CSMD3: variants seen among roughly 807,000 people sequenced by gnomAD.
CSMD3 encodes the protein CUB and Sushi multiple domains 3.
A neutral mutation model predicts 435.2 loss-of-function variants in CSMD3; 177 were observed. The observed-to-expected ratio is 0.41, with a 90% CI of 0.36 to 0.46. CSMD3 has a LOEUF of 0.46. CSMD3 is among the 20% of genes least tolerant of loss of function. The pLI is 0.34. For missense variants in CSMD3, 4,265 were observed against 4,504.6 expected (o/e 0.95, Z 1.52); for synonymous variants, 1,656 against 1,520.5 (o/e 1.09, Z -2.07).
intron 36 of CSMD3, among the ~76,000 whole-genome samples, chr8:112,386,071 G>T (rs946132147): frequency 6.6e-6 from 1 of 152,172 alleles, no homozygotes; most frequent in African/African-American, 2.4e-5. Flanking sequence ...TTGGAGTGAT[G>T]TGGCCAGAAT....
At chr8:113,092,980 A>C (rs1305917965) in intron 5 of CSMD3, among the ~76,000 whole-genome samples, 1 of 152,148 alleles carries the variant, frequency 6.6e-6, no homozygotes, top group Non-Finnish European at 1.5e-5. Flanking sequence ...AAGTACAACC[A>C]TTGGAAAAAA....
intron 6 of CSMD3, among the ~76,000 whole-genome samples, chr8:112,981,453 T>C (rs1010024282): frequency 6.6e-6 from 1 of 151,670 alleles, no homozygotes; most frequent in African/African-American, 2.4e-5. Flanking sequence ...TTTATTTTTA[T>C]GTTATATATT....
chr8:113,021,448 G>A (rs555265681), intron 5 of CSMD3, among the ~76,000 whole-genome samples: 14 of 152,194 alleles, frequency 9.2e-5, no homozygotes, highest in Non-Finnish European at 1.0e-4. Flanking sequence ...ATGAATATCC[G>A]TTAGGGAAAG....
chr8:112,586,371 G>A (rs1563734778), intron 23 of CSMD3, among the ~76,000 whole-genome samples: 2 of 150,896 alleles, frequency 1.3e-5, no homozygotes, highest in Non-Finnish European at 3.0e-5. Flanking sequence ...TTACTCTAAT[G>A]ATAAATATAA....
chr8:113,295,080 C>A (rs904518530), intron 2 of CSMD3, among the ~76,000 whole-genome samples: 1 of 151,988 alleles, frequency 6.6e-6, no homozygotes. Context: ...TTATGGGGTA[C>A]ATGATGTATT....
At chr8:112,793,469 TG>T (rs1271202922) in intron 13 of CSMD3, among the ~76,000 whole-genome samples, 15 of 152,042 alleles carry the variant, frequency 9.9e-5, no homozygotes, top group Middle Eastern at 3.2e-3. Flanking sequence ...CTGAAAGCAT[TG>T]AACTATAGTA....
At chr8:112,852,711 A>G (rs1190783843) in intron 11 of CSMD3, among the ~76,000 whole-genome samples, 1 of 152,044 alleles carries the variant, frequency 6.6e-6, no homozygotes, top group Non-Finnish European at 1.5e-5. Flanking sequence ...TCGCGAGGTC[A>G]GGAGATTGAG....
chr8:112,717,720 T>G (rs1362622780), intron 13 of CSMD3, among the ~76,000 whole-genome samples: 5 of 152,188 alleles, frequency 3.3e-5, no homozygotes, highest in African/African-American at 9.7e-5. Flanking sequence ...CACCATGGAA[T>G]ACTATGCAGC....
chr8:112,335,289 A>G (rs970581741), intron 45 of CSMD3, 40 bp downstream of exon 45: 1 of 1,590,888 alleles, frequency 6.3e-7, no homozygotes, highest in Non-Finnish European at 8.6e-7. Context: ...GACAAATTAA[A>G]CAGTAGCAAA....
intron 22 of CSMD3, among the ~76,000 whole-genome samples, chr8:112,592,288 A>T (rs1176366140): frequency 6.6e-6 from 1 of 152,008 alleles, no homozygotes; most frequent in Non-Finnish European, 1.5e-5. Flanking sequence ...ATGAGAATCC[A>T]TTGGTATTAC....
chr8:112,622,921 G>T (rs948251670), intron 22 of CSMD3, among the ~76,000 whole-genome samples: 2 of 151,980 alleles, frequency 1.3e-5, no homozygotes, highest in Admixed American at 6.6e-5. Flanking sequence ...GAGTCAGAGG[G>T]GTTAACTATG....
chr8:113,305,208 G>A (rs2093809904), intron 2 of CSMD3, among the ~76,000 whole-genome samples: 1 of 151,250 alleles, frequency 6.6e-6, no homozygotes. Context: ...GATAGATGAT[G>A]AGTTAGTGGG....
At chr8:113,228,800 A>G (rs2093054641) in intron 3 of CSMD3, among the ~76,000 whole-genome samples, 1 of 151,612 alleles carries the variant, frequency 6.6e-6, no homozygotes, top group East Asian at 1.9e-4. Context: ...ACTACATCCA[A>G]ACAGCATAAC....
At chr8:113,279,226 T>A (rs2093594693) in intron 2 of CSMD3, among the ~76,000 whole-genome samples, 1 of 149,436 alleles carries the variant, frequency 6.7e-6, no homozygotes, top group Non-Finnish European at 1.5e-5. Context: ...AATTACATCC[T>A]TACATTAGAA....
In CSMD3 at chr8:112,978,582, G is replaced by A. The variant is rs567379023; in HGVS notation, c.1031-2434C>T. The stretch of plus-strand genomic sequence containing the variant: ...CATAAGAGCTATACTTCCCACCAAC[G>A]GTGATGAAGATTCAGTACTATTCCC... On this transcript the variant is annotated intron_variant, in intron 6 of 70. Coordinates refer to ENST00000297405, the MANE Select transcript of CSMD3 (RefSeq NM_198123.2). 3.9e-5 allele frequency among the ~76,000 whole-genome samples: 6 copies of A among 151,978 alleles called. No individual in the cohort carries two copies. The Middle Eastern group carries it at 0.014, about 345-fold the overall frequency.
At chr8:112,402,361 A>G (rs1247009509) in intron 35 of CSMD3, among the ~76,000 whole-genome samples, 1 of 152,232 alleles carries the variant, frequency 6.6e-6, no homozygotes, top group Admixed American at 6.5e-5. Context: ...TAATTAGCAC[A>G]TTAACATGAT....
intron 47 of CSMD3, among the ~76,000 whole-genome samples, chr8:112,315,745 T>A (rs992235186): frequency 6.6e-6 from 1 of 151,874 alleles, no homozygotes; most frequent in Admixed American, 6.6e-5. Flanking sequence ...AACTAGATAA[T>A]TTTGATGATT....
intron 4 of CSMD3, among the ~76,000 whole-genome samples, chr8:113,128,966 A>G (rs1365005047): frequency 2.0e-5 from 3 of 152,174 alleles, no homozygotes; most frequent in African/African-American, 7.2e-5. Flanking sequence ...TACTCAGTTT[A>G]CTGAAACATT....
chr8:113,411,919 A>G (rs2094561611), intron 1 of CSMD3, among the ~76,000 whole-genome samples: 1 of 152,178 alleles, frequency 6.6e-6, no homozygotes, highest in South Asian at 2.1e-4. Context: ...AGTTAAGAAT[A>G]TGGGTTTTAG....
Sources: allele counts gnomAD v4.1 joint callset (sites outside exome capture counted in the v4.1 genomes callset), GRCh38; gene constraint gnomAD v4.1.1; transcripts MANE v1.5; gene names NCBI Gene and HGNC (gene_info 2026-07-23, HGNC 2026-07-21).